The following NPAS3 variants were observed in gnomAD, a reference collection of about 807,000 sequenced individuals.
NPAS3 encodes the protein neuronal PAS domain protein 3, also known as neuronal PAS domain-containing protein 3.
Under a neutral mutation model 73.1 loss-of-function variants are expected in NPAS3, and 14 were observed. That is an observed-to-expected ratio of 0.19 (90% confidence interval 0.13 to 0.30). The LOEUF (loss-of-function observed/expected upper bound fraction) is 0.30. NPAS3 is among the 10% of genes least tolerant of loss of function. The pLI is 1.00. For missense variants in NPAS3, 1,096 were observed against 1,250.0 expected, an observed-to-expected ratio of 0.88 and a Z score of 1.86; for synonymous variants, 620 against 541.5, an observed-to-expected ratio of 1.14 and a Z score of -2.01.
intron 2 of NPAS3, among the ~76,000 whole-genome samples, chr14:33,078,544 AAC>A (rs1421857044): frequency 0.045 from 3,996 of 89,250 alleles, 40 homozygotes; most frequent in Non-Finnish European, 0.053. Context: ...AAAAAAAAAA[AAC>A]AAACAAAAAA....
At chr14:33,586,101 C>T (rs2056847831) in intron 5 of NPAS3, 1 of 151,808 alleles carries the variant, frequency 6.6e-6, no homozygotes, top group Admixed American at 6.6e-5. Context: ...CATAAAACAC[C>T]TGAGAAATAA....
At chr14:33,473,079 T>C (rs2050859518) in intron 4 of NPAS3, among the ~76,000 whole-genome samples, 1 of 152,082 alleles carries the variant, frequency 6.6e-6, no homozygotes, top group African/African-American at 2.4e-5. Flanking sequence ...AAGATAGTGA[T>C]TTCGCAGAGT....
intron 2 of NPAS3, among the ~76,000 whole-genome samples, chr14:33,123,760 T>C (rs1411081036): frequency 1.3e-5 from 2 of 151,760 alleles, no homozygotes; most frequent in Admixed American, 1.3e-4. Context: ...TATATTCAGC[T>C]GTTGAGTTTC....
chr14:33,732,651 A>C (rs1311945219), intron 6 of NPAS3, among the ~76,000 whole-genome samples: 1 of 152,134 alleles, frequency 6.6e-6, no homozygotes, highest in African/African-American at 2.4e-5. Context: ...TCCATACCAC[A>C]TGCTCTTGAA....
intron 4 of NPAS3, among the ~76,000 whole-genome samples, chr14:33,493,097 A>T (rs899663062): frequency 4.6e-5 from 7 of 152,152 alleles, no homozygotes; most frequent in African/African-American, 1.7e-4. Flanking sequence ...CGCAAAAACC[A>T]TCTGGTTCTC....
intron 2 of NPAS3, among the ~76,000 whole-genome samples, chr14:33,140,624 T>C (rs577431690): frequency 6.6e-6 from 1 of 152,298 alleles, no homozygotes; most frequent in Admixed American, 6.5e-5. Flanking sequence ...TTCAGTTTTG[T>C]TTTGCTTTTC....
chr14:33,387,727 G>A (rs1192314443), intron 4 of NPAS3, among the ~76,000 whole-genome samples: 1 of 152,038 alleles, frequency 6.6e-6, no homozygotes, highest in Non-Finnish European at 1.5e-5. Context: ...TATCACAAGG[G>A]CCTCTCAGTG....
At chr14:33,480,766 AAC>A (rs2051288080) in intron 4 of NPAS3, among the ~76,000 whole-genome samples, 1 of 151,918 alleles carries the variant, frequency 6.6e-6, no homozygotes, top group Non-Finnish European at 1.5e-5. Flanking sequence ...AGTGAGGCCC[AAC>A]ACATCAGTAA....
intron 1 of NPAS3, among the ~76,000 whole-genome samples, chr14:32,957,927 T>C (rs2139195723): frequency 6.6e-6 from 1 of 152,234 alleles, no homozygotes; most frequent in South Asian, 2.1e-4. Flanking sequence ...AGCATAAGTG[T>C]AGAAAAACTA....
intron 3 of NPAS3, among the ~76,000 whole-genome samples, chr14:33,342,450 A>G (rs1163654155): frequency 1.3e-5 from 2 of 152,208 alleles, no homozygotes; most frequent in African/African-American, 4.8e-5. Flanking sequence ...CCTGCAAGCA[A>G]TTATGCCATT....
At chr14:33,328,571 A>AGG (rs1427288069) in intron 3 of NPAS3, among the ~76,000 whole-genome samples, 1 of 141,642 alleles carries the variant, frequency 7.1e-6, no homozygotes, top group Non-Finnish European at 1.5e-5. Flanking sequence ...GGTTCAAGCG[A>AGG]TTCTCCTGCC....
At chr14:33,685,138 C>T (rs913096872) in intron 6 of NPAS3, among the ~76,000 whole-genome samples, 3 of 152,102 alleles carry the variant, frequency 2.0e-5, no homozygotes, top group East Asian at 1.9e-4. Context: ...GTCAGACATA[C>T]AAAACACCAA....
chr14:33,524,216 C>A (rs1462328347), intron 4 of NPAS3, among the ~76,000 whole-genome samples: 2 of 152,132 alleles, frequency 1.3e-5, no homozygotes, highest in Non-Finnish European at 2.9e-5. Context: ...CAACTGCATC[C>A]TGTTCCTTTC....
chr14:33,132,736 A>T (rs1051041260), intron 2 of NPAS3, among the ~76,000 whole-genome samples: 4 of 152,182 alleles, frequency 2.6e-5, no homozygotes, highest in Admixed American at 2.6e-4. Context: ...ATGATTGGAT[A>T]CCTTAATTAG....
Position 33,235,321 on chromosome 14 carries a change from T to C in NPAS3, c.385+19895T>C, listed in dbSNP as rs536242923. The stretch of plus-strand genomic sequence containing the variant: ...CGATAGTATAAATGAGGAGTGAGAA[T>C]TTGTGGTCTTTTTGTTCACTGAAAT... On this transcript the variant is annotated intron_variant, in intron 3 of 11. Transcript: ENST00000356141. Among the ~76,000 whole-genome samples the C allele has an allele frequency of 5.3e-5, 8 of 152,236 alleles. No homozygotes were observed. The East Asian group carries it at 1.5e-3, about 29-fold the overall frequency.
intron 4 of NPAS3, among the ~76,000 whole-genome samples, chr14:33,415,907 CTTG>C (rs1283806985): frequency 9.2e-5 from 14 of 152,144 alleles, no homozygotes; most frequent in African/African-American, 3.4e-4. Context: ...TCCTTCACCA[CTTG>C]TTGTTACCTA....
At chr14:33,287,340 C>T (rs900851214) in intron 3 of NPAS3, among the ~76,000 whole-genome samples, 2 of 152,072 alleles carry the variant, frequency 1.3e-5, no homozygotes, top group Admixed American at 6.5e-5. Context: ...GGAATTCCCA[C>T]GGATTAGTCT....
chr14:33,299,596 CT>C (rs1261359999), intron 3 of NPAS3, among the ~76,000 whole-genome samples: 1 of 42,334 alleles, frequency 2.4e-5, no homozygotes, highest in African/African-American at 2.2e-4. Context: ...AAGCTAGTTT[CT>C]TTTTTTTGTG....
At chr14:32,997,031 C>T (rs12100890) in intron 1 of NPAS3, among the ~76,000 whole-genome samples, 12,090 of 152,116 alleles carry the variant, frequency 0.079, 746 homozygotes, top group African/African-American at 0.17. Flanking sequence ...GTGGAGTTGC[C>T]CAAGACCATG....
Sources: gnomAD v4.1 joint callset for allele counts (sites outside exome capture counted in the v4.1 genomes callset) on GRCh38, gnomAD v4.1.1 for gene constraint, MANE v1.5 for transcripts, NCBI Gene and HGNC (gene_info 2026-07-23, HGNC 2026-07-21) for gene names.